The following MRC2 variants were observed in gnomAD, a reference collection of about 807,000 sequenced individuals.
MRC2 encodes the protein C-type mannose receptor 2.
MRC2 carries 84 observed loss-of-function variants against 206.2 expected under a neutral mutation model. The ratio of observed to expected loss-of-function variants is 0.41; its 90% CI spans 0.34 to 0.49. MRC2 has a LOEUF of 0.49. Among genes scored for constraint, MRC2 ranks in the 20% least tolerant of loss-of-function variants. The pLI is 0.31. For missense variants in MRC2, 1,676 were observed against 2,001.5 expected (o/e 0.84, Z 3.10); for synonymous variants, 798 against 800.0 (o/e 1.00, Z 0.04).
Position 62,672,063 on chromosome 17 carries a change from G to A in MRC2, c.1372G>A (p.Gly458Arg), listed in dbSNP as rs749851697. The A allele has an allele frequency of 1.2e-6, 2 of 1,614,068 alleles. No individual in the cohort carries two copies. Among genetic ancestry groups the A allele is most frequent in the East Asian group, 2.2e-5 (1 of 44,876 alleles). ...GCAGATGAATTTTGAGTGGTCTGAC[G>A]GGAGCCTTGTGAGCTTCACCCACTG... ...KLQMNFEWSD[G>R]SLVSFTHWHP... is the part of the protein sequence containing the mutation. The change falls in exon 8 of 30, where the codon GGG becomes AGG. Residue 458 changes from glycine to arginine, a missense_variant. By Grantham distance (125) the Gly-to-Arg change is moderately radical (BLOSUM62 -2). This residue lies in a region of MRC2 where 1,354 missense variants were observed against 1,636.6 expected (regional missense o/e 0.83). Coordinates refer to ENST00000303375, the MANE Select transcript of MRC2 (RefSeq NM_006039.5). This position sits in a 1 kb window ranked among gnomAD's most constrained non-coding sequence, Gnocchi z 4.5.
intron 1 of MRC2, among the ~76,000 whole-genome samples, chr17:62,641,886 T>A (rs1413324763): frequency 8.7e-6 from 1 of 115,342 alleles, no homozygotes; most frequent in Non-Finnish European, 1.8e-5. Flanking sequence ...CATTTGCTTA[T>A]CTCACTCTCT....
chr17:62,664,405 G>A lies in MRC2; in HGVS notation c.119-143G>A, dbSNP rs2088720248. The A allele has an allele frequency of 5.3e-6, 5 of 946,914 alleles. No homozygotes were observed. Among genetic ancestry groups the A allele is most frequent in the Non-Finnish European group, 8.0e-6 (5 of 628,274 alleles). The allele number at this position is 946,914 out of a possible 1,614,324, so 58.7% of individuals were successfully genotyped here. On this transcript the variant is annotated intron_variant, in intron 1 of 29. Transcript: ENST00000303375. This position sits in a 1 kb window ranked among gnomAD's most constrained non-coding sequence, Gnocchi z 4.7. ...TCATTTCCACCTCAGAGGGTTGGTAGTGAGTACCGAGTGATTTAACGTATG... is the reference window on the plus strand; with the variant it reads ...TCATTTCCACCTCAGAGGGTTGGTAATGAGTACCGAGTGATTTAACGTATG...
At chr17:62,649,106 G>T (rs189984847) in intron 1 of MRC2, among the ~76,000 whole-genome samples, 51 of 152,342 alleles carry the variant, frequency 3.3e-4, no homozygotes, top group Non-Finnish European at 5.4e-4. Context: ...CCCAAGCAGA[G>T]GTGCGAACCT....
chr17:62,690,862 G>C (rs2089101163), intron 27 of MRC2, 87 bp from the exon 28 acceptor site: 1 of 1,489,496 alleles, frequency 6.7e-7, no homozygotes, highest in Non-Finnish European at 9.0e-7. Flanking sequence ...TCGGGGGACA[G>C]GGAGTCGGTT....
At position 62,666,983 on chromosome 17, in the gene MRC2, G is replaced by A; in HGVS notation, c.973+113G>A. 1.2e-6 allele frequency: 1 copy of A among 824,782 alleles called. No homozygotes were observed. The highest frequency in any genetic ancestry group is 2.0e-6 in the Non-Finnish European group (1 of 511,304). The allele number at this position is 824,782 out of a possible 1,614,324, so 51.1% of individuals were successfully genotyped here. The stretch of plus-strand genomic sequence containing the variant: ...CAGAGGGGCAGTGTGGGTAGGGGAA[G>A]CACCGACCTCCACCCCCCTCCCCAG... On this transcript the variant is annotated intron_variant, in intron 5 of 29. Transcript: ENST00000303375. The surrounding 1 kb of genome is among the most constrained non-coding windows in gnomAD (Gnocchi z 5.0).
chr17:62,664,186 C>G lies in MRC2; in HGVS notation c.119-362C>G, dbSNP rs2088717304. 2.0e-5 allele frequency among the ~76,000 whole-genome samples: 3 copies of G among 151,802 alleles called. No homozygotes were observed. The highest frequency in any genetic ancestry group is 2.0e-4 in the Admixed American group (3 of 15,246). On this transcript the variant is annotated intron_variant, in intron 1 of 29. Transcript: ENST00000303375. This position sits in a 1 kb window ranked among gnomAD's most constrained non-coding sequence, Gnocchi z 4.7. ...GTTTTAGCCGGGATGGTCTCGATCT[C>G]CTGACCTCGTGATCCGCCCGCCTCG... is the stretch of plus-strand genomic sequence containing the variant.
chr17:62,635,227 A>G (rs1353261997), intron 1 of MRC2, among the ~76,000 whole-genome samples: 1 of 137,892 alleles, frequency 7.3e-6, no homozygotes, highest in Non-Finnish European at 1.5e-5. Flanking sequence ...AATAGCCTCA[A>G]TCAGAGGCAT....
In MRC2 at chr17:62,672,002, G is replaced by A. The variant is rs779609279; in HGVS notation, c.1311G>A (p.Val437=). The part of the protein sequence containing the change: ...EFITKQIKQE[V]EELWIGLNDL... ...CCTCTCCTGCTGCACCCCCAGAGGTGGAGGAGCTGTGGATCGGCCTCAACG... is the reference window on the plus strand; with the variant it reads ...CCTCTCCTGCTGCACCCCCAGAGGTAGAGGAGCTGTGGATCGGCCTCAACG... Residue 437 remains valine, a synonymous_variant, in exon 8 of 30, where the codon GTG becomes GTA. Coordinates refer to ENST00000303375, the MANE Select transcript of MRC2 (RefSeq NM_006039.5). The surrounding 1 kb of genome is among the most constrained non-coding windows in gnomAD (Gnocchi z 4.5). The A allele has an allele frequency of 8.7e-6, 14 of 1,614,010 alleles. No homozygotes were observed. Among genetic ancestry groups the A allele is most frequent in the African/African-American group, 1.3e-5 (1 of 74,910 alleles).
chr17:62,666,943 C>A lies in MRC2; in HGVS notation c.973+73C>A. On this transcript the variant is annotated intron_variant, in intron 5 of 29. Transcript: ENST00000303375. The surrounding 1 kb of genome is among the most constrained non-coding windows in gnomAD (Gnocchi z 5.0). ...CTCTTGGCCTCCCATGGACTCCTCT[C>A]CTCATGTCCTCCTGCAGAGGGGCAG... The A allele has an allele frequency of 8.9e-7, 1 of 1,128,000 alleles. No individual in the cohort carries two copies. The highest frequency in any genetic ancestry group is 1.3e-6 in the Non-Finnish European group (1 of 763,068). The allele number at this position is 1,128,000 out of a possible 1,614,324, so 69.9% of individuals were successfully genotyped here.
At chr17:62,690,370 A>G in intron 26 of MRC2, 65 bp downstream of exon 26, 1 of 1,531,734 alleles carries the variant, frequency 6.5e-7, no homozygotes, top group Non-Finnish European at 8.8e-7. Context: ...GGGCACTCAG[A>G]CCCATGAGTA....
chr17:62,634,357 A>G (rs984984304), intron 1 of MRC2, among the ~76,000 whole-genome samples: 3 of 151,952 alleles, frequency 2.0e-5, no homozygotes, highest in Non-Finnish European at 4.4e-5. Context: ...CTGAAGTGCG[A>G]TGGCGTGGTC....
intron 1 of MRC2, among the ~76,000 whole-genome samples, chr17:62,628,323 G>C (rs1486071411): frequency 6.6e-6 from 1 of 152,150 alleles, no homozygotes; most frequent in Non-Finnish European, 1.5e-5. Flanking sequence ...GGGAGTTCCC[G>C]GGCCCAGTCT....
intron 1 of MRC2, among the ~76,000 whole-genome samples, chr17:62,639,351 TAAATAAAC>T (rs756428520): frequency 6.6e-5 from 10 of 151,738 alleles, no homozygotes; most frequent in South Asian, 2.1e-4. Flanking sequence ...CTTAAATAAA[TAAATAAAC>T]AAACAAAGTG....
At chr17:62,636,263 A>C (rs184378334) in intron 1 of MRC2, among the ~76,000 whole-genome samples, 1,546 of 151,208 alleles carry the variant, frequency 0.01, 13 homozygotes, top group Middle Eastern at 0.017. Flanking sequence ...AAAAAAAAAA[A>C]AGTAAAAATG....
intron 18 of MRC2, 134 bp from the exon 19 acceptor site, chr17:62,681,703 C>A: frequency 1.4e-6 from 1 of 703,098 alleles, no homozygotes; most frequent in Non-Finnish European, 2.5e-6. Flanking sequence ...TAGCTCCACC[C>A]CTCAGCCTAC....
At position 62,672,114 on chromosome 17, in the gene MRC2, C is replaced by T. The variant is rs376620347; in HGVS notation, c.1423C>T (p.Arg475Trp). The T allele has an allele frequency of 2.5e-6, 4 of 1,613,996 alleles. No individual in the cohort carries two copies. Among genetic ancestry groups the T allele is most frequent in the South Asian group, 1.1e-5 (1 of 91,076 alleles). Residue 475 changes from arginine to tryptophan, a missense_variant, in exon 8 of 30, where the codon CGG (arginine) becomes TGG (tryptophan). Arg to Trp is a moderately radical substitution (Grantham distance 101). Coordinates refer to ENST00000303375, the MANE Select transcript of MRC2 (RefSeq NM_006039.5). This position sits in a 1 kb window ranked among gnomAD's most constrained non-coding sequence, Gnocchi z 4.5. ...HWHPFEPNNF[R>W]DSLEDCVTIW... is the part of the protein sequence containing the mutation. ...GCACCCCTTTGAGCCCAACAACTTC[C>T]GGGACAGTCTGGAGGACTGTGTCAC...
In MRC2 at chr17:62,666,913, G is replaced by A. The variant is rs776334162; in HGVS notation, c.973+43G>A. The A allele has an allele frequency of 9.9e-6, 15 of 1,513,470 alleles. No homozygotes were observed. The highest frequency in any genetic ancestry group is 1.0e-5 in the Non-Finnish European group (11 of 1,094,470). The allele number at this position is 1,513,470 out of a possible 1,614,324, so 93.8% of individuals were successfully genotyped here. On this transcript the variant is annotated intron_variant, in intron 5 of 29. Coordinates refer to ENST00000303375, the MANE Select transcript of MRC2 (RefSeq NM_006039.5). This position sits in a 1 kb window ranked among gnomAD's most constrained non-coding sequence, Gnocchi z 5.0. ...GGGCGCAGGGCAGCATAGGGGCCCC[G>A]CGGGCTCTTGGCCTCCCATGGACTC... is the stretch of plus-strand genomic sequence containing the variant.
chr17:62,693,547 GA>G lies in MRC2; in HGVS notation c.*1102del, dbSNP rs1217721037. The stretch of plus-strand genomic sequence containing the variant: ...GCCATTATTGTTTTTAAAAAAAAAG[GA>G]AAAAAGAAAAGCAAACAAATAAAAC... On this transcript the variant is annotated 3_prime_UTR_variant, in exon 30 of 30. Coordinates refer to ENST00000303375, the MANE Select transcript of MRC2 (RefSeq NM_006039.5). The G allele has an allele frequency of 2.0e-5, 3 of 152,444 alleles. No homozygotes were observed. Among genetic ancestry groups the G allele is most frequent in the Non-Finnish European group, 2.9e-5 (2 of 68,012 alleles). The allele number at this position is 152,444 out of a possible 1,614,324, so 9.4% of individuals were successfully genotyped here.
chr17:62,689,660 C>G lies in MRC2; in HGVS notation c.3473C>G (p.Ala1158Gly), dbSNP rs774830317. 35 of 1,593,390 alleles carry G rather than the reference C, an allele frequency of 2.2e-5. No homozygotes were observed. Among genetic ancestry groups the G allele is most frequent in the Non-Finnish European group, 2.7e-5 (32 of 1,170,172 alleles). The change falls in exon 24 of 30, where the codon GCC becomes GGC. Residue 1158 changes from alanine to glycine, a missense_variant. By Grantham distance (60) the Ala-to-Gly change is moderately conservative. Around this residue, in one of 3 missense-constraint regions of MRC2, gnomAD observed 1,354 missense variants for 1,636.6 expected, o/e 0.83. Transcript: ENST00000303375. ...DALLLCESRN[A>G]SLAYVPDPYT... ...CTCCTGCTGTGTGAGAGCCGCAATGCCAGCCTGGCCTACGTGCCCGACCCC... is the reference window on the plus strand; with the variant it reads ...CTCCTGCTGTGTGAGAGCCGCAATGGCAGCCTGGCCTACGTGCCCGACCCC...
Sources: gnomAD v4.1 joint callset for allele counts (sites outside exome capture counted in the v4.1 genomes callset) on GRCh38, gnomAD v4.1.1 for gene constraint, gnomAD v4.1.1 regional missense constraint, Gnocchi (gnomAD v3.1) non-coding constraint, MANE v1.5 for transcripts, NCBI Gene and HGNC (gene_info 2026-07-23, HGNC 2026-07-21) for gene names.